The following KYNU variants were observed in gnomAD, a reference collection of about 807,000 sequenced individuals.
The protein encoded by KYNU is kynureninase.
In KYNU, 54 loss-of-function variants were observed where a neutral mutation model predicts 59.2. The ratio of observed to expected loss-of-function variants is 0.91; its 90% confidence interval spans 0.73 to 1.14. The LOEUF (loss-of-function observed/expected upper bound fraction) is 1.14. KYNU is among the 50% of genes most tolerant of loss of function. The pLI is 0.00. For synonymous variants in KYNU, 177 were observed against 192.0 expected (o/e 0.92, Z 0.65); for missense variants, 567 against 554.4 (o/e 1.02, Z -0.23).
chr2:143,020,542 C>T (rs1169843451), intron 10 of KYNU, among the ~76,000 whole-genome samples: 1 of 152,036 alleles, frequency 6.6e-6, no homozygotes, highest in East Asian at 1.9e-4. Context: ...TGTTTGTGGC[C>T]TAACATATGG....
chr2:143,012,118 A>G (rs190650162), intron 10 of KYNU, among the ~76,000 whole-genome samples: 2 of 152,144 alleles, frequency 1.3e-5, no homozygotes, highest in African/African-American at 2.4e-5. Flanking sequence ...GGGTGTCCCC[A>G]AGTTGGAGGT....
intron 4 of KYNU, among the ~76,000 whole-genome samples, chr2:142,952,763 A>T (rs997694878): frequency 2.0e-5 from 3 of 152,198 alleles, no homozygotes; most frequent in South Asian, 2.1e-4. Flanking sequence ...CTTCTACAGA[A>T]AGCCTCCTTT....
intron 10 of KYNU, among the ~76,000 whole-genome samples, chr2:143,027,487 A>T (rs1686610100): frequency 6.6e-6 from 1 of 152,154 alleles, no homozygotes; most frequent in Non-Finnish European, 1.5e-5. Flanking sequence ...TCCTGAATTC[A>T]TGGGGCACAG....
chr2:143,017,145 CCACCATTAATGGG>C (rs112376172), intron 10 of KYNU, among the ~76,000 whole-genome samples: 36,383 of 151,752 alleles, frequency 0.24, 4,615 homozygotes, highest in East Asian at 0.49. Flanking sequence ...TTTATCCAAC[CCACCATTAATGGG>C]CACCTCGGCT....
intron 8 of KYNU, among the ~76,000 whole-genome samples, chr2:142,981,968 G>A (rs535142001): frequency 6.6e-6 from 1 of 152,160 alleles, no homozygotes; most frequent in Admixed American, 6.5e-5. Flanking sequence ...AAACAAATGA[G>A]ACTGGCCGTG....
intron 8 of KYNU, among the ~76,000 whole-genome samples, chr2:142,966,813 G>A (rs1246640100): frequency 1.3e-5 from 2 of 152,020 alleles, no homozygotes; most frequent in Non-Finnish European, 2.9e-5. Context: ...CAGATGGTAA[G>A]CACTCAATAA....
At chr2:142,926,725 G>A (rs2105011821) in intron 3 of KYNU, among the ~76,000 whole-genome samples, 1 of 152,346 alleles carries the variant, frequency 6.6e-6, no homozygotes, top group South Asian at 2.1e-4. Flanking sequence ...TCGTCTATGA[G>A]TTGCTGGGGT....
intron 1 of KYNU, among the ~76,000 whole-genome samples, chr2:142,882,186 A>G (rs1681325140): frequency 6.6e-6 from 1 of 151,984 alleles, no homozygotes; most frequent in Non-Finnish European, 1.5e-5. Context: ...GAAATAATCT[A>G]TCCACCAGTC....
rs918186146 is a variant in KYNU at position 142,972,225 on chromosome 2, T to G, written c.729+11455T>G. On this transcript the variant is annotated intron_variant, in intron 8 of 13. Transcript: ENST00000264170. ...AGCATATACTTTATTTAAAGTGGCG[T>G]GATTATTGTACCTGCAAATTATACA... is the stretch of plus-strand genomic sequence containing the variant. 7.2e-5 allele frequency among the ~76,000 whole-genome samples: 11 copies of G among 152,186 alleles called. 1 individual carries two copies. Among genetic ancestry groups the G allele is most frequent in the Admixed American group, 5.9e-4 (9 of 15,272 alleles).
intron 2 of KYNU, among the ~76,000 whole-genome samples, chr2:142,910,138 T>TTTTC (rs1682431639): frequency 7.4e-6 from 1 of 135,560 alleles, no homozygotes; most frequent in Non-Finnish European, 1.5e-5. Context: ...TGCCTTTTTT[T>TTTTC]TTTTTTTTTT....
At chr2:143,002,564 T>C (rs551975948) in intron 10 of KYNU, among the ~76,000 whole-genome samples, 61 of 152,286 alleles carry the variant, frequency 4.0e-4, no homozygotes, top group African/African-American at 1.4e-3. Context: ...TTAATATCAC[T>C]CCACACACAG....
chr2:142,962,947 G>A (rs947627490), intron 8 of KYNU, among the ~76,000 whole-genome samples: 5 of 152,124 alleles, frequency 3.3e-5, no homozygotes, highest in Non-Finnish European at 4.4e-5. Context: ...TCAAGAAAGA[G>A]ATAGGAAATT....
intron 2 of KYNU, among the ~76,000 whole-genome samples, chr2:142,887,050 G>T (rs528289461): frequency 6.6e-6 from 1 of 151,860 alleles, no homozygotes; most frequent in Non-Finnish European, 1.5e-5. Context: ...GGCGCCTGTA[G>T]TCCCAGCTGC....
Position 143,040,663 on chromosome 2 carries a change from GTA to G in KYNU, c.1272+7_1272+8del. 1 of 1,581,614 alleles carries G rather than the reference GTA, an allele frequency of 6.3e-7. No individual in the cohort carries two copies. The highest frequency in any genetic ancestry group is 8.6e-7 in the Non-Finnish European group (1 of 1,156,732). On this transcript the variant is annotated splice_donor_region_variant and intron_variant, in intron 13 of 13. Transcript: ENST00000264170. ...CTAGAAAAAAGAGGAGTGGTTGTAA[GTA>G]TGTCTTGCTTTGCTACCAGATTTTG... is the stretch of plus-strand genomic sequence containing the variant.
chr2:143,036,285 GA>G (rs1246434685), intron 12 of KYNU, among the ~76,000 whole-genome samples: 5 of 151,992 alleles, frequency 3.3e-5, no homozygotes, highest in Non-Finnish European at 7.4e-5. Flanking sequence ...AGAGTACACC[GA>G]ACAAAGGAGA....
chr2:143,020,534 T>C (rs1686374259), intron 10 of KYNU, among the ~76,000 whole-genome samples: 2 of 152,168 alleles, frequency 1.3e-5, no homozygotes, highest in African/African-American at 2.4e-5. Flanking sequence ...TTGAGAATTG[T>C]TTGTGGCCTA....
At chr2:142,901,140 A>C (rs1438685728) in intron 2 of KYNU, among the ~76,000 whole-genome samples, 1 of 151,070 alleles carries the variant, frequency 6.6e-6, no homozygotes, top group Non-Finnish European at 1.5e-5. Flanking sequence ...ACAGGCCCTG[A>C]CTATCTGCTT....
At chr2:143,028,036 A>G (rs1299680162) in intron 10 of KYNU, among the ~76,000 whole-genome samples, 7 of 151,978 alleles carry the variant, frequency 4.6e-5, no homozygotes, top group Admixed American at 4.6e-4. Flanking sequence ...TCATCTCCCA[A>G]AAAATAGTGT....
At chr2:142,970,494 C>A (rs1684687068) in intron 8 of KYNU, among the ~76,000 whole-genome samples, 1 of 152,130 alleles carries the variant, frequency 6.6e-6, no homozygotes, top group African/African-American at 2.4e-5. Flanking sequence ...TATTTTATAT[C>A]TAAATGGGGC....
Sources: gnomAD v4.1 joint callset for allele counts (sites outside exome capture counted in the v4.1 genomes callset) on GRCh38, gnomAD v4.1.1 for gene constraint, MANE v1.5 for transcripts, NCBI Gene and HGNC (gene_info 2026-07-23, HGNC 2026-07-21) for gene names.